Variants in PTPRT observed in about 807,000 individuals in gnomAD.
PTPRT encodes the protein protein tyrosine phosphatase receptor type T.
In PTPRT, 56 loss-of-function variants were observed where a neutral mutation model predicts 176.8. The observed-to-expected ratio is 0.32, with a 90% CI of 0.26 to 0.40. The LOEUF is 0.40. Ranked by LOEUF, PTPRT falls within the 10% of genes least tolerant of loss-of-function variation. The pLI is 1.00. For missense variants in PTPRT, 1,540 were observed against 1,908.2 expected, an observed-to-expected ratio of 0.81 and a Z score of 3.60; for synonymous variants, 783 against 739.0, an observed-to-expected ratio of 1.06 and a Z score of -0.96.
intron 1 of PTPRT, among the ~76,000 whole-genome samples, chr20:43,122,841 T>A (rs1193589271): frequency 6.6e-6 from 1 of 152,128 alleles, no homozygotes; most frequent in African/African-American, 2.4e-5. Context: ...CAGGTTTTGT[T>A]TTGTTTTGTT....
intron 2 of PTPRT, among the ~76,000 whole-genome samples, chr20:42,852,567 G>T (rs1329926459): frequency 6.6e-6 from 1 of 151,868 alleles, no homozygotes; most frequent in Non-Finnish European, 1.5e-5. Flanking sequence ...AATCACACTT[G>T]TTCAGAGGGC....
chr20:42,033,946 G>T, the PTPRT span, among the ~76,000 whole-genome samples: 1 of 152,196 alleles, frequency 6.6e-6, no homozygotes, highest in South Asian at 2.1e-4. Context: ...TGGTCCCAGA[G>T]CCCTGTCAGT....
intron 8 of PTPRT, among the ~76,000 whole-genome samples, chr20:42,454,123 C>G (rs183734685): frequency 9.2e-5 from 14 of 152,000 alleles, no homozygotes; most frequent in Admixed American, 6.6e-4. Flanking sequence ...TGAGTGTTTT[C>G]TATTATATGA....
At chr20:42,507,006 A>T (rs2071857579) in intron 7 of PTPRT, among the ~76,000 whole-genome samples, 2 of 152,154 alleles carry the variant, frequency 1.3e-5, no homozygotes, top group African/African-American at 4.8e-5. Flanking sequence ...ACAGAAGTGC[A>T]TTCAAATCTC....
chr20:42,929,364 A>C (rs1044429447), intron 1 of PTPRT, among the ~76,000 whole-genome samples: 1 of 152,246 alleles, frequency 6.6e-6, no homozygotes, highest in Non-Finnish European at 1.5e-5. Context: ...TAAGTAATAA[A>C]GAAGGACATT....
chr20:42,906,164 A>G (rs751291512), intron 1 of PTPRT, among the ~76,000 whole-genome samples: 74 of 152,322 alleles, frequency 4.9e-4, no homozygotes, highest in Admixed American at 3.5e-3. Flanking sequence ...AGAACCCACA[A>G]GCGTCTGGAC....
intron 5 of PTPRT, among the ~76,000 whole-genome samples, chr20:42,760,380 CTTTTTTTTTT>C (rs754362528): frequency 7.4e-5 from 7 of 94,244 alleles, no homozygotes; most frequent in Non-Finnish European, 1.2e-4. Context: ...TCTAAATCTG[CTTTTTTTTTT>C]TTTTTTTTTT....
intron 17 of PTPRT, among the ~76,000 whole-genome samples, chr20:42,156,880 C>T (rs1037365199): frequency 7.2e-5 from 11 of 152,192 alleles, no homozygotes; most frequent in African/African-American, 2.7e-4. Context: ...CCTTGCCTTC[C>T]TAAGTTCCAT....
At chr20:43,084,615 C>G (rs1309654046) in intron 1 of PTPRT, among the ~76,000 whole-genome samples, 2 of 152,186 alleles carry the variant, frequency 1.3e-5, no homozygotes, top group African/African-American at 4.8e-5. Context: ...GGAGGGGACA[C>G]AGAGCCAAAC....
At chr20:42,813,616 C>G (rs1226467585) in intron 2 of PTPRT, among the ~76,000 whole-genome samples, 3 of 152,122 alleles carry the variant, frequency 2.0e-5, no homozygotes, top group African/African-American at 7.2e-5. Flanking sequence ...ATATGTGACA[C>G]CTGACTTTCT....
At chr20:42,197,080 A>G (rs921223937) in intron 16 of PTPRT, among the ~76,000 whole-genome samples, 2 of 152,148 alleles carry the variant, frequency 1.3e-5, no homozygotes, top group Admixed American at 1.3e-4. Flanking sequence ...ACAGCCCTAG[A>G]CTTTAAAAAA....
At chr20:42,845,446 C>A (rs2078353015) in intron 2 of PTPRT, among the ~76,000 whole-genome samples, 1 of 152,182 alleles carries the variant, frequency 6.6e-6, no homozygotes, top group Non-Finnish European at 1.5e-5. Flanking sequence ...GAAGGGCGTG[C>A]ATGTGTTTCT....
intron 5 of PTPRT, among the ~76,000 whole-genome samples, chr20:42,759,534 G>C (rs990556353): frequency 4.6e-5 from 7 of 152,156 alleles, no homozygotes; most frequent in African/African-American, 1.7e-4. Flanking sequence ...ACAAATGTTA[G>C]GATGTCAGGA....
chr20:42,996,067 A>T (rs1240617612), intron 1 of PTPRT, among the ~76,000 whole-genome samples: 1 of 152,122 alleles, frequency 6.6e-6, no homozygotes, highest in Non-Finnish European at 1.5e-5. Flanking sequence ...TCTACTTAAC[A>T]CAGTTCCCTC....
At chr20:42,348,851 TTTCTCA>T (rs1488014363) in intron 11 of PTPRT, among the ~76,000 whole-genome samples, 3 of 152,188 alleles carry the variant, frequency 2.0e-5, no homozygotes, top group Non-Finnish European at 2.9e-5. Context: ...ACAACTGTCA[TTTCTCA>T]TTGCTACTGG....
chr20:42,179,264 C>T (rs1168072632), intron 16 of PTPRT, among the ~76,000 whole-genome samples: 1 of 152,166 alleles, frequency 6.6e-6, no homozygotes, highest in East Asian at 1.9e-4. Flanking sequence ...CTTAGCTTTG[C>T]CAAGTATTCC....
intron 7 of PTPRT, among the ~76,000 whole-genome samples, chr20:42,512,056 T>C (rs950525691): frequency 1.3e-5 from 2 of 152,200 alleles, no homozygotes; most frequent in African/African-American, 4.8e-5. Context: ...CAACTACTCA[T>C]AGCAATTTTG....
intron 13 of PTPRT, among the ~76,000 whole-genome samples, chr20:42,270,941 C>T (rs2056924204): frequency 6.6e-6 from 1 of 152,122 alleles, no homozygotes; most frequent in African/African-American, 2.4e-5. Context: ...CTTGAAGCTG[C>T]TTCCTTCTCT....
At chr20:42,131,317 T>C (rs1248712974) in intron 18 of PTPRT, among the ~76,000 whole-genome samples, 1 of 152,214 alleles carries the variant, frequency 6.6e-6, no homozygotes, top group African/African-American at 2.4e-5. Flanking sequence ...CCAGAAGCTG[T>C]AGGCCTCAAA....
Sources: gnomAD v4.1 joint callset for allele counts (sites outside exome capture counted in the v4.1 genomes callset) on GRCh38, gnomAD v4.1.1 for gene constraint, MANE v1.5 for transcripts, NCBI Gene and HGNC (gene_info 2026-07-23, HGNC 2026-07-21) for gene names.